The following GMDS variants were observed in gnomAD, a reference collection of about 807,000 sequenced individuals.
GMDS encodes GDP-mannose 4,6-dehydratase, also known as GDP-mannose 4,6 dehydratase.
Under a neutral mutation model 49.9 loss-of-function variants are expected in GMDS, and 20 were observed. The ratio of observed to expected loss-of-function variants is 0.40; its 90% CI spans 0.28 to 0.58. GMDS has a LOEUF of 0.58. GMDS is among the 20% of genes least tolerant of loss of function. The pLI is 0.42. For missense variants in GMDS, 362 were observed against 481.4 expected (o/e 0.75, Z 2.32); for synonymous variants, 177 against 178.6 (o/e 0.99, Z 0.07).
intron 4 of GMDS, among the ~76,000 whole-genome samples, chr6:2,050,398 C>A (rs142883684): frequency 0.022 from 3,357 of 152,124 alleles, 114 homozygotes; most frequent in African/African-American, 0.076. Context: ...AGACTACCAA[C>A]CAAAAAAAGT....
chr6:2,040,426 T>A (rs1049654376), intron 4 of GMDS, among the ~76,000 whole-genome samples: 2 of 152,198 alleles, frequency 1.3e-5, no homozygotes, highest in African/African-American at 4.8e-5. Flanking sequence ...CTAGTTACTA[T>A]CCAGAACATG....
chr6:1,731,891 C>T (rs769388442), intron 8 of GMDS, among the ~76,000 whole-genome samples: 3 of 152,110 alleles, frequency 2.0e-5, no homozygotes, highest in African/African-American at 4.8e-5. Flanking sequence ...ACAGCCCAAC[C>T]GGGGTTTGAG....
chr6:2,032,096 C>A (rs1043004381), intron 4 of GMDS, among the ~76,000 whole-genome samples: 1 of 152,046 alleles, frequency 6.6e-6, no homozygotes, highest in Admixed American at 6.6e-5. Context: ...TCTCAATGAC[C>A]AAAGGGTGGA....
chr6:1,688,204 A>G (rs926507609), intron 9 of GMDS, among the ~76,000 whole-genome samples: 1 of 152,154 alleles, frequency 6.6e-6, no homozygotes, highest in African/African-American at 2.4e-5. Flanking sequence ...AGGGGAGTCA[A>G]TGTTGACTCT....
chr6:1,798,271 A>G (rs1769816987), intron 7 of GMDS, among the ~76,000 whole-genome samples: 1 of 148,882 alleles, frequency 6.7e-6, no homozygotes, highest in South Asian at 2.1e-4. Context: ...ACACACACAC[A>G]CACACACACA....
At chr6:1,883,584 T>A (rs1257467964) in intron 7 of GMDS, among the ~76,000 whole-genome samples, 1 of 152,160 alleles carries the variant, frequency 6.6e-6, no homozygotes, top group Admixed American at 6.5e-5. Context: ...CTCAGATACA[T>A]GAGCTCACTC....
At chr6:1,990,877 C>T (rs926022005) in intron 4 of GMDS, among the ~76,000 whole-genome samples, 1 of 152,070 alleles carries the variant, frequency 6.6e-6, no homozygotes, top group African/African-American at 2.4e-5. Flanking sequence ...AGCCTCCGTG[C>T]CCGGCCAACT....
intron 7 of GMDS, among the ~76,000 whole-genome samples, chr6:1,767,244 G>T (rs1393814860): frequency 1.4e-5 from 2 of 141,558 alleles, no homozygotes; most frequent in African/African-American, 2.7e-5. Flanking sequence ...AATATCCTTT[G>T]TAAAATGGCT....
chr6:1,798,346 G>T (rs747919275), intron 7 of GMDS, among the ~76,000 whole-genome samples: 15 of 151,678 alleles, frequency 9.9e-5, no homozygotes, highest in Non-Finnish European at 1.5e-5. Flanking sequence ...TCCACACTGT[G>T]GTATGATTTT....
chr6:1,646,514 G>A (rs891214606), intron 9 of GMDS, among the ~76,000 whole-genome samples: 9 of 152,120 alleles, frequency 5.9e-5, no homozygotes, highest in East Asian at 3.9e-4. Context: ...CCAAGCAGCC[G>A]GGACTACAGG....
At chr6:2,225,226 A>T (rs1167852900) in intron 1 of GMDS, among the ~76,000 whole-genome samples, 3 of 151,642 alleles carry the variant, frequency 2.0e-5, no homozygotes, top group African/African-American at 7.3e-5. Flanking sequence ...GCTACTCGGG[A>T]GGCTGAGGCA....
chr6:1,904,513 T>C (rs1760658501), intron 7 of GMDS, among the ~76,000 whole-genome samples: 4 of 152,220 alleles, frequency 2.6e-5, no homozygotes, highest in Admixed American at 2.6e-4. Context: ...AGTTACTCCA[T>C]TAAGCAAAGA....
chr6:1,919,978 A>G (rs1761635974), intron 7 of GMDS, among the ~76,000 whole-genome samples: 1 of 152,276 alleles, frequency 6.6e-6, no homozygotes, highest in Admixed American at 6.5e-5. Flanking sequence ...CAAATGACCC[A>G]ACACTCACAG....
chr6:1,923,221 C>T (rs1251210877), intron 7 of GMDS, among the ~76,000 whole-genome samples: 1 of 152,190 alleles, frequency 6.6e-6, no homozygotes, highest in Non-Finnish European at 1.5e-5. Flanking sequence ...CTTCACCATC[C>T]TTCAAGTGTC....
intron 8 of GMDS, among the ~76,000 whole-genome samples, chr6:1,739,805 G>A (rs150632479): frequency 6.6e-6 from 1 of 152,218 alleles, no homozygotes; most frequent in African/African-American, 2.4e-5. Flanking sequence ...GAGGGGCCCT[G>A]AAGGAGCACC....
rs540926913 is a variant in GMDS, at chr6:1,913,177, C to T, written c.771+16926G>A. On this transcript the variant is annotated intron_variant, in intron 7 of 10. Transcript: ENST00000380815. ...CGGGCGGATCACGAGGTCAGGAGATCGAGACCATCCCGGCTAAAACGGTGA... is the reference window on the plus strand; with the variant it reads ...CGGGCGGATCACGAGGTCAGGAGATTGAGACCATCCCGGCTAAAACGGTGA... 7.2e-5 allele frequency among the ~76,000 whole-genome samples: 11 copies of T among 151,738 alleles called. No homozygotes were observed. In the East Asian group the frequency reaches 1.6e-3, roughly 22 times the overall value.
intron 7 of GMDS, among the ~76,000 whole-genome samples, chr6:1,838,993 C>T (rs528405967): frequency 3.3e-4 from 50 of 152,282 alleles, no homozygotes; most frequent in South Asian, 1.2e-3. Flanking sequence ...CTAAGTACAA[C>T]GACAAGTGTT....
In GMDS at chr6:1,767,207, C is replaced by G. The variant is rs143987480; in HGVS notation, c.772-24621G>C. On this transcript the variant is annotated intron_variant, in intron 7 of 10. Coordinates refer to ENST00000380815, the MANE Select transcript of GMDS (RefSeq NM_001500.4). ...AACATATTTTCCACCCACCACCCCC[C>G]CAAATTTCATTAAACGCATAAAAGA... 2.3e-3 allele frequency among the ~76,000 whole-genome samples: 347 copies of G among 152,166 alleles called. 2 individuals are homozygous for G. Among genetic ancestry groups the G allele is most frequent in the African/African-American group, 8.0e-3 (334 of 41,494 alleles).
intron 9 of GMDS, among the ~76,000 whole-genome samples, chr6:1,710,696 T>C (rs1765923165): frequency 6.6e-6 from 1 of 152,186 alleles, no homozygotes; most frequent in African/African-American, 2.4e-5. Flanking sequence ...ATTTCTATCA[T>C]CAATTTAACT....
Sources: gnomAD v4.1 joint callset for allele counts (sites outside exome capture counted in the v4.1 genomes callset) on GRCh38, gnomAD v4.1.1 for gene constraint, MANE v1.5 for transcripts, NCBI Gene and HGNC (gene_info 2026-07-23, HGNC 2026-07-21) for gene names.